CDH26: variants seen among roughly 807,000 people sequenced by gnomAD.
CDH26 encodes the protein cadherin 26, also known as cadherin-like protein 26.
In CDH26, 83 loss-of-function variants were observed where a neutral mutation model predicts 90.3. That is an observed-to-expected ratio of 0.92 (90% confidence interval 0.77 to 1.10). The LOEUF is 1.10. Among genes scored for constraint, CDH26 ranks in the 50% least tolerant of loss-of-function variants. The pLI is 0.00. For missense variants in CDH26, 1,013 were observed against 1,037.6 expected (o/e 0.98, Z 0.33); for synonymous variants, 397 against 396.3 (o/e 1.00, Z -0.02).
In CDH26 at chr20:59,992,233, G is replaced by A. The variant is rs550049189; in HGVS notation, c.1284-145G>A. 3.0e-4 allele frequency: 229 copies of A among 763,216 alleles called. No individual in the cohort carries two copies. Among genetic ancestry groups the A allele is most frequent in the East Asian group, 5.1e-4 (19 of 37,284 alleles). 47.3% of individuals were successfully genotyped at this position (763,216 alleles called of 1,614,324 possible). Reference sequence around the variant, plus strand: ...TTCCTTTCGTGAATTAAACACTCTCGTAGTTTAATTGCTCTTAGAATTTCT... The same window carrying A: ...TTCCTTTCGTGAATTAAACACTCTCATAGTTTAATTGCTCTTAGAATTTCT... On this transcript the variant is annotated intron_variant, in intron 9 of 17. Transcript: ENST00000348616. This position sits in a 1 kb window ranked among gnomAD's most constrained non-coding sequence, Gnocchi z 5.0.
At chr20:60,005,264 G>A (rs1236731248) in intron 16 of CDH26, among the ~76,000 whole-genome samples, 4 of 152,138 alleles carry the variant, frequency 2.6e-5, no homozygotes, top group African/African-American at 7.2e-5. Flanking sequence ...ACAGTAGACT[G>A]TTAGTTGAGT....
rs1457981069 is a variant in CDH26, at chr20:59,972,033, A to G, written c.303A>G (p.Pro101=). 1 of 1,613,960 alleles carries G rather than the reference A, an allele frequency of 6.2e-7. No homozygotes were observed. The highest frequency in any genetic ancestry group is 8.5e-7 in the Non-Finnish European group (1 of 1,179,842). ...LISGPGVDEY[P]EIGLFSLEDH... is the part of the protein sequence containing the mutation. ...GTGGACCTGGTGTGGATGAATATCC[A>G]GAGATTGGTTTGTTTTCTCTAGAAG... Residue 101 remains proline, a synonymous_variant, in exon 4 of 18, where the codon CCA becomes CCG. Coordinates refer to ENST00000348616, the MANE Select transcript of CDH26 (RefSeq NM_177980.4).
At chr20:60,031,515 G>C (rs1380827031) in intron 8 of CDH26, 1 of 1,031,194 alleles carries the variant, frequency 9.7e-7, no homozygotes, top group Admixed American at 5.7e-5. Context: ...TAATCCTTGA[G>C]AATTAAATCA....
In CDH26 at chr20:59,989,157, A is replaced by G. The variant is rs768433334; in HGVS notation, c.1277A>G (p.Gln426Arg). 7.4e-6 allele frequency: 12 copies of G among 1,614,042 alleles called. No homozygotes were observed. Among genetic ancestry groups the G allele is most frequent in the South Asian group, 1.1e-5 (1 of 91,090 alleles). The change falls in exon 9 of 18, where the codon CAG becomes CGG. Residue 426 changes from glutamine (Q) to arginine (R), a missense_variant. By Grantham distance (43) the Gln-to-Arg change is conservative (BLOSUM62 1). Transcript: ENST00000348616. ...TTTAATGCCATGGATCCAGACAGCCAGATAAGGTGAGAAGAGAGGGCCAAG... is the reference window on the plus strand; with the variant it reads ...TTTAATGCCATGGATCCAGACAGCCGGATAAGGTGAGAAGAGAGGGCCAAG... ...GTFNAMDPDS[Q>R]IRYELVHDPA...
In CDH26 at chr20:60,001,398, C is replaced by T; in HGVS notation, c.2153C>T (p.Ala718Val). The T allele has an allele frequency of 6.2e-7, 1 of 1,613,932 alleles. No homozygotes were observed. Among genetic ancestry groups the T allele is most frequent in the African/African-American group, 1.3e-5 (1 of 75,038 alleles). ...AGTCAGTCAGCCCAAGCACGCTGTG[C>T]TCTGGGGAGCTGGGTGAGTTCCAGA... is the stretch of plus-strand genomic sequence containing the variant. ...AASQSAQARC[A>V]LGSWGYGKPF... is the part of the protein sequence containing the mutation. The change falls in exon 15 of 18, where the codon GCT (alanine) becomes GTT (valine). Residue 718 changes from alanine to valine, a missense_variant. Ala to Val is a moderately conservative substitution (Grantham distance 64). Transcript: ENST00000348616.
At chr20:59,973,083 T>C (rs558601208) in intron 4 of CDH26, among the ~76,000 whole-genome samples, 1 of 152,320 alleles carries the variant, frequency 6.6e-6, no homozygotes, top group African/African-American at 2.4e-5. Context: ...ACAGTGCCTG[T>C]TAAAAAGAAG....
chr20:60,001,294 C>T (rs41310819), intron 14 of CDH26, 49 bp from the exon 15 acceptor site: 19,481 of 1,611,318 alleles, frequency 0.012, 144 homozygotes, highest in Non-Finnish European at 0.015. Flanking sequence ...TTGTTTCCAG[C>T]TGGAGAGAAA....
rs1003485876 is a variant in CDH26 at position 60,006,727 on chromosome 20, C to T, written c.2235C>T (p.Ala745=). 3.1e-6 allele frequency: 5 copies of T among 1,613,858 alleles called. No individual in the cohort carries two copies. Among genetic ancestry groups the T allele is most frequent in the Non-Finnish European group, 4.2e-6 (5 of 1,179,900 alleles). Residue 745 remains alanine, a synonymous_variant, in exon 17 of 18, where the codon GCC becomes GCT. Transcript: ENST00000348616. ...NIHSTPAYPD[A]TMHRQLLAPV... ...TTTGCTTGCAGGCTTACCCAGATGC[C>T]ACAATGCACAGACAACTCCTGGCTC...
intron 16 of CDH26, among the ~76,000 whole-genome samples, chr20:60,005,132 T>C (rs747892482): frequency 5.9e-5 from 9 of 152,180 alleles, no homozygotes; most frequent in Non-Finnish European, 1.2e-4. Flanking sequence ...ATAGTGAATA[T>C]ATTTTCCTTA....
intron 5 of CDH26, 50 bp downstream of exon 5, chr20:59,983,120 C>A: frequency 6.3e-7 from 1 of 1,581,918 alleles, no homozygotes; most frequent in South Asian, 1.2e-5. Flanking sequence ...CTGCTCTGTT[C>A]CTTTTCATTA....
downstream of CDH26, among the ~76,000 whole-genome samples, chr20:60,035,376 A>G (rs2062074832): frequency 1.2e-4 from 18 of 152,216 alleles, no homozygotes; most frequent in Admixed American, 1.2e-3. Context: ...ATTGTTTTCC[A>G]ACATTCCCAC....
chr20:60,002,243 C>T (rs935098367), intron 15 of CDH26, among the ~76,000 whole-genome samples: 7 of 152,006 alleles, frequency 4.6e-5, no homozygotes, highest in Non-Finnish European at 7.4e-5. Context: ...TTCTTCTTTG[C>T]ACAAAGATGA....
chr20:59,994,002 A>G (rs2061560056), intron 10 of CDH26, among the ~76,000 whole-genome samples: 2 of 152,010 alleles, frequency 1.3e-5, no homozygotes, highest in South Asian at 2.1e-4. Flanking sequence ...TTTTTAATGA[A>G]GCCACATTCT....
At chr20:60,020,946 CT>C (rs1167020427) in intron 7 of CDH26, among the ~76,000 whole-genome samples, 1 of 152,164 alleles carries the variant, frequency 6.6e-6, no homozygotes, top group Non-Finnish European at 1.5e-5. Flanking sequence ...TCCCTCCTGT[CT>C]CTGGGCTGAT....
chr20:59,968,571 CA>C (rs201223010), intron 1 of CDH26, among the ~76,000 whole-genome samples: 3 of 150,518 alleles, frequency 2.0e-5, no homozygotes, highest in African/African-American at 7.3e-5. Flanking sequence ...AAATAAGGGG[CA>C]AAAAAAACAA....
chr20:59,959,561 G>A (rs545006014), intron 1 of CDH26, among the ~76,000 whole-genome samples: 10 of 151,756 alleles, frequency 6.6e-5, no homozygotes, highest in Non-Finnish European at 1.3e-4. Context: ...CACCATGCCC[G>A]GCTAGTTTTT....
chr20:59,966,734 A>G (rs1030798768), intron 1 of CDH26, among the ~76,000 whole-genome samples: 1 of 152,226 alleles, frequency 6.6e-6, no homozygotes, highest in African/African-American at 2.4e-5. Flanking sequence ...ACTCTCTTAC[A>G]GGGCTGTGGA....
intron 14 of CDH26, 38 bp from the exon 15 acceptor site, chr20:60,001,305 T>A: frequency 6.2e-7 from 1 of 1,612,346 alleles, no homozygotes; most frequent in Non-Finnish European, 8.5e-7. Context: ...TGGAGAGAAA[T>A]CCATTCTCTT....
downstream of CDH26, among the ~76,000 whole-genome samples, chr20:60,035,565 A>AT (rs141231906): frequency 4.0e-3 from 579 of 143,906 alleles, 5 homozygotes; most frequent in African/African-American, 1.0e-2. Flanking sequence ...TCATTTACCC[A>AT]TTTTTTTTTT....
Sources: allele counts gnomAD v4.1 joint callset (sites outside exome capture counted in the v4.1 genomes callset), GRCh38; gene constraint gnomAD v4.1.1; non-coding constraint Gnocchi (gnomAD v3.1); transcripts MANE v1.5; gene names NCBI Gene and HGNC (gene_info 2026-07-23, HGNC 2026-07-21).